The following SNX6 variants were observed in gnomAD, a reference collection of about 807,000 sequenced individuals.
SNX6 encodes the protein sorting nexin-6.
In SNX6, 34 loss-of-function variants were observed where a neutral mutation model predicts 63.0. The observed-to-expected ratio is 0.54, with a 90% confidence interval of 0.41 to 0.72. The LOEUF is 0.72. Ranked by LOEUF, SNX6 falls within the 30% of genes least tolerant of loss-of-function variation. The pLI, the probability that SNX6 is intolerant of heterozygous loss-of-function variation, is 0.00. For missense variants in SNX6, 398 were observed against 471.4 expected, an observed-to-expected ratio of 0.84 and a Z score of 1.44; for synonymous variants, 170 against 164.2, an observed-to-expected ratio of 1.04 and a Z score of -0.27.
In SNX6 at chr14:34,607,363, T is replaced by C. The variant is rs368844714; in HGVS notation, c.270+667A>G. On this transcript the variant is annotated intron_variant, in intron 4 of 13. Coordinates refer to ENST00000362031, the MANE Select transcript of SNX6 (RefSeq NM_152233.4). ...GCTCATGCCTGTAATCCCAGAACTT[T>C]GGGAGGCCGAGGCAGGGGGAATCAC... 5.8e-4 allele frequency among the ~76,000 whole-genome samples: 88 copies of C among 151,650 alleles called. 1 individual carries two copies. The highest frequency in any genetic ancestry group is 2.0e-3 in the African/African-American group (84 of 41,370).
intron 11 of SNX6, among the ~76,000 whole-genome samples, chr14:34,572,961 T>A (rs932773871): frequency 6.6e-6 from 1 of 151,916 alleles, no homozygotes; most frequent in Non-Finnish European, 1.5e-5. Flanking sequence ...GGATTACAGG[T>A]GTGAGCCACC....
intron 2 of SNX6, among the ~76,000 whole-genome samples, chr14:34,617,134 T>C (rs991000436): frequency 2.0e-5 from 3 of 151,418 alleles, no homozygotes; most frequent in Non-Finnish European, 4.4e-5. Context: ...TTTGAAGAAA[T>C]TTCTAATTAG....
intron 10 of SNX6, among the ~76,000 whole-genome samples, chr14:34,577,401 A>G (rs1192626436): frequency 1.3e-5 from 2 of 152,056 alleles, no homozygotes; most frequent in African/African-American, 4.8e-5. Flanking sequence ...TATTCATTTC[A>G]ATTGTAATTG....
intron 7 of SNX6, among the ~76,000 whole-genome samples, chr14:34,597,276 G>A (rs1261326674): frequency 4.6e-5 from 7 of 152,184 alleles, no homozygotes; most frequent in Admixed American, 6.5e-5. Flanking sequence ...GGGAGACAGC[G>A]GATTCTAGAA....
chr14:34,627,470 G>C (rs534687661), intron 2 of SNX6, among the ~76,000 whole-genome samples: 33 of 151,938 alleles, frequency 2.2e-4, no homozygotes, highest in Admixed American at 3.9e-4. Flanking sequence ...AAAAAAAATT[G>C]TTTTTTCTTT....
In SNX6 at chr14:34,610,138, A is replaced by G. The variant is rs141105451; in HGVS notation, c.55-396T>C. On this transcript the variant is annotated intron_variant, in intron 2 of 13. Coordinates refer to ENST00000362031, the MANE Select transcript of SNX6 (RefSeq NM_152233.4). Reference sequence around the variant, plus strand: ...GCGGGAGGACTGACTGAGCCCAGGAATTCAAGACCACCCTGGGAAACATAA... The same window carrying G: ...GCGGGAGGACTGACTGAGCCCAGGAGTTCAAGACCACCCTGGGAAACATAA... 9.2e-5 allele frequency among the ~76,000 whole-genome samples: 14 copies of G among 151,726 alleles called. No individual in the cohort carries two copies. The East Asian group carries it at 2.7e-3, about 29-fold the overall frequency.
chr14:34,609,562 C>G, intron 3 of SNX6, 76 bp downstream of exon 3: 1 of 651,876 alleles, frequency 1.5e-6, no homozygotes, highest in Non-Finnish European at 2.5e-6. Flanking sequence ...ATGTTTAAAA[C>G]CCAAGTCTGG....
chr14:34,562,164 A>G lies in SNX6; in HGVS notation c.*958T>C, dbSNP rs1304155050. The G allele has an allele frequency of 6.6e-6, 1 of 150,790 alleles. No individual in the cohort carries two copies. The highest frequency in any genetic ancestry group is 1.9e-4 in the East Asian group (1 of 5,154). 9.3% of individuals were successfully genotyped at this position (150,790 alleles called of 1,614,324 possible). On this transcript the variant is annotated 3_prime_UTR_variant, in exon 14 of 14. Coordinates refer to ENST00000362031, the MANE Select transcript of SNX6 (RefSeq NM_152233.4). ...ACTCGCATAACTACTAAGTGGCTCA[A>G]TGGCCTATGTCTCATGCTTAATTGG...
At position 34,608,070 on chromosome 14, in the gene SNX6, T is replaced by A; in HGVS notation, c.230A>T (p.His77Leu). The A allele has an allele frequency of 1.2e-6, 2 of 1,609,564 alleles. No homozygotes were observed. The highest frequency in any genetic ancestry group is 1.7e-6 in the Non-Finnish European group (2 of 1,177,116). ...VRQHEEFIWL[H>L]DSFVENEDYA... ...GTCTTCATTTTCAACAAAGGAATCA[T>A]GAAGCCAGATAAATTCCTCATGTTG... The change falls in exon 4 of 14, where the codon CAT becomes CTT. Residue 77 changes from histidine (H) to leucine (L), a missense_variant. Transcript: ENST00000362031.
At chr14:34,587,422 A>C (rs1882214476) in intron 8 of SNX6, among the ~76,000 whole-genome samples, 2 of 148,790 alleles carry the variant, frequency 1.3e-5, no homozygotes, top group Non-Finnish European at 3.0e-5. Flanking sequence ...AGTCCTAGCT[A>C]CTCGGGAAGC....
intron 2 of SNX6, among the ~76,000 whole-genome samples, chr14:34,622,010 G>A (rs1003398966): frequency 2.2e-5 from 3 of 134,150 alleles, no homozygotes; most frequent in African/African-American, 5.7e-5. Context: ...CCAGGCTGGA[G>A]TGCAGTGGCG....
intron 2 of SNX6, among the ~76,000 whole-genome samples, chr14:34,619,197 G>C (rs1032232666): frequency 2.0e-5 from 3 of 152,156 alleles, no homozygotes; most frequent in Non-Finnish European, 4.4e-5. Flanking sequence ...GCCAAGGTGG[G>C]CAGATCACAA....
At position 34,613,098 on chromosome 14, in the gene SNX6, G is replaced by C. The variant is rs541432749; in HGVS notation, c.55-3356C>G. 2.7e-5 allele frequency among the ~76,000 whole-genome samples: 4 copies of C among 150,906 alleles called. No homozygotes were observed. The East Asian group carries it at 7.9e-4, about 30-fold the overall frequency. On this transcript the variant is annotated intron_variant, in intron 2 of 13. Transcript: ENST00000362031. Reference sequence around the variant, plus strand: ...AAAACACTCCAATAACTAATGAGAAGGTCATGTGACCATGGAGGCAGATTA... The same window carrying C: ...AAAACACTCCAATAACTAATGAGAACGTCATGTGACCATGGAGGCAGATTA...
intron 9 of SNX6, among the ~76,000 whole-genome samples, chr14:34,584,754 A>T (rs10144924): frequency 0.58 from 85,467 of 147,330 alleles, 24,148 homozygotes; most frequent in Admixed American, 0.59. Flanking sequence ...AAGAAAAAAA[A>T]ATATATATAG....
chr14:34,619,889 T>A (rs543617663), intron 2 of SNX6, among the ~76,000 whole-genome samples: 14 of 152,212 alleles, frequency 9.2e-5, no homozygotes, highest in African/African-American at 3.4e-4. Context: ...TTATTTATTT[T>A]TTTATAGAGA....
At chr14:34,600,923 C>T (rs1471250254) in intron 6 of SNX6, among the ~76,000 whole-genome samples, 1 of 151,630 alleles carries the variant, frequency 6.6e-6, no homozygotes, top group East Asian at 1.9e-4. Context: ...GAGGTGGAGG[C>T]AGAGGAGTCG....
chr14:34,629,786 AAGG>A (rs1421975569), intron 2 of SNX6, 118 bp downstream of exon 2: 15 of 1,441,790 alleles, frequency 1.0e-5, no homozygotes, highest in Admixed American at 4.4e-5. Flanking sequence ...AGGAAACCGA[AAGG>A]AGGACTACGG....
At chr14:34,600,892 C>A (rs1218005098) in intron 6 of SNX6, among the ~76,000 whole-genome samples, 1 of 151,940 alleles carries the variant, frequency 6.6e-6, no homozygotes, top group Non-Finnish European at 1.5e-5. Flanking sequence ...TAAGAATTAG[C>A]CAGGTATGGT....
Position 34,605,652 on chromosome 14 carries a change from T to C in SNX6, c.336A>G (p.Glu112=), listed in dbSNP as rs1882988357. 6.2e-7 allele frequency: 1 copy of C among 1,611,332 alleles called. No individual in the cohort carries two copies. The highest frequency in any genetic ancestry group is 8.5e-7 in the Non-Finnish European group (1 of 1,178,888). Residue 112 remains glutamate (E), a synonymous_variant, in exon 5 of 14, where the codon GAA becomes GAG. Transcript: ENST00000362031. ...CTTCCTTCGTCATTGACCCTTCTCCTTCACCAAGCTTCTGTAGTTTTTCCC... is the reference window on the plus strand; with the variant it reads ...CTTCCTTCGTCATTGACCCTTCTCCCTCACCAAGCTTCTGTAGTTTTTCCC... ...ASREKLQKLG[E]GEGSMTKEEF...
Sources: gnomAD v4.1 joint callset for allele counts (sites outside exome capture counted in the v4.1 genomes callset) on GRCh38, gnomAD v4.1.1 for gene constraint, MANE v1.5 for transcripts, NCBI Gene and HGNC (gene_info 2026-07-23, HGNC 2026-07-21) for gene names.